TLL1: variants seen among roughly 807,000 people sequenced by gnomAD.
TLL1 encodes the protein tolloid-like protein 1.
TLL1 carries 49 observed loss-of-function variants against 128.2 expected under a neutral mutation model. The observed-to-expected ratio is 0.38, with a 90% CI of 0.30 to 0.48. The LOEUF (loss-of-function observed/expected upper bound fraction) is 0.48, where lower values mean the gene tolerates loss of function less well. Ranked by LOEUF, TLL1 falls within the 20% of genes least tolerant of loss-of-function variation. The pLI is 0.96. For missense variants in TLL1, 1,123 were observed against 1,242.0 expected (o/e 0.90, Z 1.44); for synonymous variants, 454 against 418.8 (o/e 1.08, Z -1.03).
intron 15 of TLL1, among the ~76,000 whole-genome samples, chr4:166,062,344 C>G (rs1385245217): frequency 2.0e-5 from 3 of 152,162 alleles, no homozygotes; most frequent in South Asian, 2.1e-4. Flanking sequence ...TTCTTCCTAT[C>G]CATGAGCATG....
intron 1 of TLL1, among the ~76,000 whole-genome samples, chr4:165,882,733 C>G (rs572583634): frequency 6.6e-6 from 1 of 152,202 alleles, no homozygotes; most frequent in South Asian, 2.1e-4. Context: ...ATTCTCCTGC[C>G]TTAGCCTCCC....
chr4:165,878,352 T>C (rs1035270911), intron 1 of TLL1, among the ~76,000 whole-genome samples: 4 of 151,930 alleles, frequency 2.6e-5, no homozygotes, highest in Admixed American at 2.6e-4. Context: ...AGTTTTCGTT[T>C]CCTCAGATCT....
At chr4:165,954,691 T>C (rs1296215613) in intron 1 of TLL1, among the ~76,000 whole-genome samples, 3 of 151,994 alleles carry the variant, frequency 2.0e-5, no homozygotes, top group African/African-American at 7.2e-5. Flanking sequence ...AAATATCCCA[T>C]AGAGAGCCTT....
chr4:165,966,832 A>C (rs1304253619), intron 1 of TLL1, among the ~76,000 whole-genome samples: 1 of 152,162 alleles, frequency 6.6e-6, no homozygotes, highest in Admixed American at 6.5e-5. Context: ...TGAAATTAGA[A>C]TTGCTGATGA....
chr4:165,958,037 A>AGCTCATCAT (rs1254132112), intron 1 of TLL1, among the ~76,000 whole-genome samples: 2 of 150,952 alleles, frequency 1.3e-5, no homozygotes, highest in Non-Finnish European at 2.9e-5. Context: ...AAAGGACATG[A>AGCTCATCAT]GCTCATCATT....
At position 165,987,420 on chromosome 4, in the gene TLL1, G is replaced by A. The variant is rs957795969; in HGVS notation, c.170-1961G>A. ...CTGGAGCATTAGTGTTTTCTGCTGC[G>A]TCTGTACGAAGCTGATTAGAATCTC... On this transcript the variant is annotated intron_variant, in intron 1 of 20. Coordinates refer to ENST00000061240, the MANE Select transcript of TLL1 (RefSeq NM_012464.5). Among the ~76,000 whole-genome samples the A allele has an allele frequency of 4.7e-4, 71 of 152,186 alleles. 2 individuals are homozygous for A. Among genetic ancestry groups the A allele is most frequent in the Non-Finnish European group, 7.6e-4 (52 of 67,994 alleles).
intron 7 of TLL1, among the ~76,000 whole-genome samples, chr4:166,013,545 TTTG>T (rs1250091449): frequency 1.3e-5 from 2 of 151,804 alleles, no homozygotes; most frequent in African/African-American, 4.8e-5. Context: ...AGAAAGGTTT[TTTG>T]TTGTTGTTTG....
chr4:165,964,801 G>A (rs560242452), intron 1 of TLL1, among the ~76,000 whole-genome samples: 1 of 152,244 alleles, frequency 6.6e-6, no homozygotes, highest in East Asian at 1.9e-4. Context: ...GCTGGGCATG[G>A]TGGTGCATGA....
chr4:166,065,444 T>C lies in TLL1; in HGVS notation c.2008-239T>C, dbSNP rs140839860. On this transcript the variant is annotated intron_variant, in intron 15 of 20. Transcript: ENST00000061240. Reference sequence around the variant, plus strand: ...TCATTTTGGACAAGCTATATAAAAATCTCTGAACTTCAGTTTTCTCATCTC... The same window carrying C: ...TCATTTTGGACAAGCTATATAAAAACCTCTGAACTTCAGTTTTCTCATCTC... Among the ~76,000 whole-genome samples the C allele has an allele frequency of 4.7e-3, 711 of 152,032 alleles. 3 individuals are homozygous for C. Among genetic ancestry groups the C allele is most frequent in the African/African-American group, 0.016 (658 of 41,518 alleles).
chr4:166,080,088 A>G (rs1741217778), intron 18 of TLL1, among the ~76,000 whole-genome samples: 1 of 152,120 alleles, frequency 6.6e-6, no homozygotes, highest in South Asian at 2.1e-4. Flanking sequence ...ATTTTCTCAT[A>G]GTTCTGGAGG....
At chr4:166,032,815 T>C (rs2111081146) in intron 9 of TLL1, among the ~76,000 whole-genome samples, 1 of 152,186 alleles carries the variant, frequency 6.6e-6, no homozygotes, top group East Asian at 1.9e-4. Flanking sequence ...CAAATAAAAA[T>C]GAAAACGGAG....
At chr4:166,059,363 C>A (rs1413420452) in intron 14 of TLL1, among the ~76,000 whole-genome samples, 3 of 152,030 alleles carry the variant, frequency 2.0e-5, no homozygotes, top group African/African-American at 7.2e-5. Flanking sequence ...GCTAATTTCA[C>A]TGTCAATAAG....
chr4:165,947,197 C>T (rs1221369749), intron 1 of TLL1, among the ~76,000 whole-genome samples: 1 of 152,062 alleles, frequency 6.6e-6, no homozygotes, highest in Non-Finnish European at 1.5e-5. Context: ...ATGACCTTTT[C>T]TTTGTGTGAG....
At chr4:165,954,700 T>C (rs1734693746) in intron 1 of TLL1, among the ~76,000 whole-genome samples, 1 of 152,070 alleles carries the variant, frequency 6.6e-6, no homozygotes, top group African/African-American at 2.4e-5. Flanking sequence ...ATAGAGAGCC[T>C]TGGCACTCTG....
intron 16 of TLL1, among the ~76,000 whole-genome samples, chr4:166,069,073 A>G (rs1046637373): frequency 6.6e-5 from 10 of 151,800 alleles, no homozygotes; most frequent in Non-Finnish European, 1.2e-4. Context: ...AACTCCTATC[A>G]TGTTTCCACC....
At chr4:166,058,447 G>A (rs963998437) in intron 14 of TLL1, among the ~76,000 whole-genome samples, 3 of 152,144 alleles carry the variant, frequency 2.0e-5, no homozygotes, top group African/African-American at 4.8e-5. Context: ...ATAAAAGATT[G>A]ATTTTTTTAA....
rs58243165 is a variant in TLL1 at position 165,895,840 on chromosome 4, GA to G, written c.169+21769del. On this transcript the variant is annotated intron_variant, in intron 1 of 20. Transcript: ENST00000061240. ...ATCAAGAGCAACAGATACGTAAATA[GA>G]ATGAAATAGAGAATGCAGAAATAGG... is the stretch of plus-strand genomic sequence containing the variant. Among the ~76,000 whole-genome samples, 194 of 152,126 alleles carry G rather than the reference GA, an allele frequency of 1.3e-3. 2 individuals are homozygous for G. The highest frequency in any genetic ancestry group is 4.6e-3 in the African/African-American group (190 of 41,516).
chr4:166,033,868 A>G, intron 9 of TLL1, among the ~76,000 whole-genome samples: 1 of 152,142 alleles, frequency 6.6e-6, no homozygotes. Context: ...AGAATTGACT[A>G]ACCTTTGAAC....
intron 1 of TLL1, among the ~76,000 whole-genome samples, chr4:165,913,247 T>C (rs1168607215): frequency 6.6e-6 from 1 of 152,240 alleles, no homozygotes; most frequent in Non-Finnish European, 1.5e-5. Context: ...AATACATGTC[T>C]CTGAAATTCT....
Sources: allele counts gnomAD v4.1 joint callset (sites outside exome capture counted in the v4.1 genomes callset), GRCh38; gene constraint gnomAD v4.1.1; transcripts MANE v1.5; gene names NCBI Gene and HGNC (gene_info 2026-07-23, HGNC 2026-07-21).